The following SMYD3 variants were observed in gnomAD, a reference collection of about 807,000 sequenced individuals.
The protein encoded by SMYD3 is histone-lysine N-methyltransferase SMYD3.
In SMYD3, 36 loss-of-function variants were observed where a neutral mutation model predicts 57.7. That is an observed-to-expected ratio of 0.62 (90% CI 0.48 to 0.82). The LOEUF is 0.82. Ranked by LOEUF, SMYD3 falls within the 40% of genes least tolerant of loss-of-function variation. SMYD3 has a pLI of 0.00. For synonymous variants in SMYD3, 211 were observed against 195.0 expected, an observed-to-expected ratio of 1.08 and a Z score of -0.68; for missense variants, 515 against 538.8, an observed-to-expected ratio of 0.96 and a Z score of 0.44.
chr1:246,062,888 T>C (rs1010263867), intron 5 of SMYD3, among the ~76,000 whole-genome samples: 2 of 152,196 alleles, frequency 1.3e-5, no homozygotes, highest in Non-Finnish European at 2.9e-5. Context: ...TAATAATAAA[T>C]GCTAGCTCAA....
At chr1:245,812,685 T>C (rs1054206629) in intron 10 of SMYD3, among the ~76,000 whole-genome samples, 3 of 117,264 alleles carry the variant, frequency 2.6e-5, no homozygotes, top group African/African-American at 1.1e-4. Flanking sequence ...AAATTCTTAC[T>C]TCTAAACAAC....
chr1:246,279,652 G>A (rs936705608), intron 5 of SMYD3, among the ~76,000 whole-genome samples: 1 of 152,176 alleles, frequency 6.6e-6, no homozygotes, highest in African/African-American at 2.4e-5. Flanking sequence ...ATATTTAGCA[G>A]GAAGCTCAAA....
chr1:246,475,282 C>T (rs991772509), intron 1 of SMYD3, among the ~76,000 whole-genome samples: 1 of 151,072 alleles, frequency 6.6e-6, no homozygotes, highest in African/African-American at 2.4e-5. Flanking sequence ...GAGCCGAGAG[C>T]CCACCACTGC....
rs142170522 is a variant in SMYD3, at chr1:246,194,631, C to T, written c.531+132570G>A. 8.5e-5 allele frequency among the ~76,000 whole-genome samples: 13 copies of T among 152,302 alleles called. No homozygotes were observed. In the East Asian group the frequency reaches 2.5e-3, roughly 29 times the overall value. ...ACATGCCAAACCTAGCCATCTAGAGCTGTGCTATCCAAAAGGTAGTCACTA... is the reference window on the plus strand; with the variant it reads ...ACATGCCAAACCTAGCCATCTAGAGTTGTGCTATCCAAAAGGTAGTCACTA... On this transcript the variant is annotated intron_variant, in intron 5 of 11. Coordinates refer to ENST00000490107, the MANE Select transcript of SMYD3 (RefSeq NM_001167740.2).
chr1:246,349,669 C>T (rs1407397300), intron 2 of SMYD3, among the ~76,000 whole-genome samples: 1 of 152,134 alleles, frequency 6.6e-6, no homozygotes, highest in African/African-American at 2.4e-5. Flanking sequence ...TTCTAAGGTA[C>T]TCATTCTACC....
chr1:246,243,752 C>G (rs2063655735), intron 5 of SMYD3, among the ~76,000 whole-genome samples: 1 of 151,804 alleles, frequency 6.6e-6, no homozygotes, highest in Non-Finnish European at 1.5e-5. Context: ...TTAACTATTT[C>G]AAGATTATTT....
intron 5 of SMYD3, among the ~76,000 whole-genome samples, chr1:245,953,534 C>T (rs953401293): frequency 6.6e-6 from 1 of 152,122 alleles, no homozygotes; most frequent in Non-Finnish European, 1.5e-5. Flanking sequence ...AATTCTCTGC[C>T]TCAGCATCCT....
chr1:245,965,422 A>C lies in SMYD3; in HGVS notation c.532-35485T>G, dbSNP rs145538930. 4.8e-3 allele frequency among the ~76,000 whole-genome samples: 727 copies of C among 152,352 alleles called. 2 individuals are homozygous for C. Among genetic ancestry groups the C allele is most frequent in the South Asian group, 0.029 (139 of 4,830 alleles). Reference sequence around the variant, plus strand: ...AAGAAGTATAATTAATATGCTAATAAAGGAGAGAAAACAGTATCATATAAA... The same window carrying C: ...AAGAAGTATAATTAATATGCTAATACAGGAGAGAAAACAGTATCATATAAA... On this transcript the variant is annotated intron_variant, in intron 5 of 11. Transcript: ENST00000490107.
At chr1:246,463,661 C>CAAAAGAAAA (rs2067836874) in intron 1 of SMYD3, among the ~76,000 whole-genome samples, 1 of 73,126 alleles carries the variant, frequency 1.4e-5, no homozygotes, top group Non-Finnish European at 2.4e-5. Flanking sequence ...ACTAAAAATA[C>CAAAAGAAAA]AAAAAAAAAA....
Position 246,233,350 on chromosome 1 carries a change from A to G in SMYD3, c.531+93851T>C, listed in dbSNP as rs2063452305. Among the ~76,000 whole-genome samples the G allele has an allele frequency of 1.6e-5, 2 of 125,250 alleles. 1 individual carries two copies. Among genetic ancestry groups the G allele is most frequent in the East Asian group, 7.9e-4 (2 of 2,538 alleles). 82.2% of individuals were successfully genotyped at this position (125,250 alleles called of 152,430 possible). On this transcript the variant is annotated intron_variant, in intron 5 of 11. Transcript: ENST00000490107. Reference sequence around the variant, plus strand: ...CCACACAGAGGAGAAGCGCTCCCCAATTCACACTGTGATGAACATATACCA... The same window carrying G: ...CCACACAGAGGAGAAGCGCTCCCCAGTTCACACTGTGATGAACATATACCA...
intron 1 of SMYD3, among the ~76,000 whole-genome samples, chr1:246,407,267 A>G (rs1047765751): frequency 2.0e-5 from 3 of 152,360 alleles, no homozygotes; most frequent in African/African-American, 7.2e-5. Context: ...TGTATTTAAT[A>G]TAGTTCTAAG....
intron 5 of SMYD3, among the ~76,000 whole-genome samples, chr1:245,943,561 G>A (rs1429456423): frequency 2.6e-5 from 4 of 152,110 alleles, no homozygotes; most frequent in Non-Finnish European, 4.4e-5. Flanking sequence ...GTACAAAGAC[G>A]AAGTGGTACC....
At chr1:246,382,964 C>A (rs1262774127) in intron 1 of SMYD3, among the ~76,000 whole-genome samples, 1 of 152,194 alleles carries the variant, frequency 6.6e-6, no homozygotes, top group African/African-American at 2.4e-5. Flanking sequence ...GCTCAGTCAA[C>A]AGACTCACCC....
intron 5 of SMYD3, among the ~76,000 whole-genome samples, chr1:246,168,611 T>G (rs1353367824): frequency 6.6e-6 from 1 of 152,172 alleles, no homozygotes; most frequent in Non-Finnish European, 1.5e-5. Flanking sequence ...CTGCTGTACT[T>G]TATAATTGTT....
At chr1:245,759,237 C>A (rs1395462904) in intron 11 of SMYD3, among the ~76,000 whole-genome samples, 3 of 152,116 alleles carry the variant, frequency 2.0e-5, no homozygotes, top group Admixed American at 2.0e-4. Context: ...GAGCCAGGGG[C>A]TTCCAAACAA....
chr1:245,821,716 A>C (rs71636589), intron 10 of SMYD3, among the ~76,000 whole-genome samples: 44 of 151,668 alleles, frequency 2.9e-4, no homozygotes, highest in East Asian at 2.3e-3. Context: ...AACAAACAAC[A>C]CCATCAAAAA....
intron 10 of SMYD3, among the ~76,000 whole-genome samples, chr1:245,840,678 G>T (rs1461031794): frequency 2.0e-5 from 3 of 151,392 alleles, no homozygotes; most frequent in African/African-American, 4.9e-5. Context: ...TCAGTTGTAA[G>T]AAACTTAAAT....
intron 5 of SMYD3, among the ~76,000 whole-genome samples, chr1:246,295,261 T>C (rs2064770895): frequency 6.6e-6 from 1 of 152,136 alleles, no homozygotes; most frequent in African/African-American, 2.4e-5. Flanking sequence ...TTACTTAGTA[T>C]CTCTTACAGA....
intron 10 of SMYD3, among the ~76,000 whole-genome samples, chr1:245,838,918 T>C (rs1572481141): frequency 1.3e-5 from 2 of 152,336 alleles, no homozygotes; most frequent in South Asian, 2.1e-4. Flanking sequence ...TTATCATCTA[T>C]GGGAGGACAT....
Sources: allele counts gnomAD v4.1 joint callset (sites outside exome capture counted in the v4.1 genomes callset), GRCh38; gene constraint gnomAD v4.1.1; transcripts MANE v1.5; gene names NCBI Gene and HGNC (gene_info 2026-07-23, HGNC 2026-07-21).